Variants in BPIFB1 observed in about 807,000 individuals in gnomAD.
The protein encoded by BPIFB1 is BPI fold containing family B member 1.
Under a neutral mutation model 55.1 loss-of-function variants are expected in BPIFB1, and 34 were observed. That is an observed-to-expected ratio of 0.62 (90% CI 0.47 to 0.82). The LOEUF is 0.82. BPIFB1 is among the 40% of genes least tolerant of loss of function. BPIFB1 has a pLI of 0.00. For missense variants in BPIFB1, 532 were observed against 593.1 expected (o/e 0.90, Z 1.07); for synonymous variants, 236 against 245.3 (o/e 0.96, Z 0.35).
chr20:33,292,435 AATAG>A lies in BPIFB1; in HGVS notation c.597+452_597+455del, dbSNP rs559346892. 9.2e-5 allele frequency among the ~76,000 whole-genome samples: 14 copies of A among 152,352 alleles called. No individual in the cohort carries two copies. In the South Asian group the frequency reaches 2.7e-3, roughly 29 times the overall value. ...GATACATAAACATGATCTCAGGAGT[AATAG>A]ATAGTAGTAAAATACAGCAAACTAA... On this transcript the variant is annotated intron_variant, in intron 6 of 15. Transcript: ENST00000253354.
In BPIFB1 at chr20:33,309,091, T is replaced by C. The variant is rs1052133800; in HGVS notation, c.1396-617T>C. Among the ~76,000 whole-genome samples the C allele has an allele frequency of 5.3e-5, 8 of 152,240 alleles. No individual in the cohort carries two copies. Among genetic ancestry groups the C allele is most frequent in the South Asian group, 2.1e-4 (1 of 4,820 alleles). On this transcript the variant is annotated intron_variant, in intron 15 of 15. Coordinates refer to ENST00000253354, the MANE Select transcript of BPIFB1 (RefSeq NM_033197.3). The surrounding 1 kb of genome is among the most constrained non-coding windows in gnomAD (Gnocchi z 4.4). ...GGCCTGGCACACAGTAGGTGTTCAATAAATGCTTGGTGAGCAAATGACTCT... is the reference window on the plus strand; with the variant it reads ...GGCCTGGCACACAGTAGGTGTTCAACAAATGCTTGGTGAGCAAATGACTCT...
intron 8 of BPIFB1, 98 bp downstream of exon 8, chr20:33,300,082 T>C: frequency 9.4e-7 from 1 of 1,063,228 alleles, no homozygotes; most frequent in Non-Finnish European, 1.4e-6. Flanking sequence ...GGAGAGAAAA[T>C]CCTGGTCACC....
intron 6 of BPIFB1, among the ~76,000 whole-genome samples, chr20:33,295,645 GAAGAAAGA>G (rs1357013377): frequency 2.4e-5 from 3 of 125,386 alleles, no homozygotes; most frequent in African/African-American, 4.3e-5. Context: ...AAAGAGAGAA[GAAGAAAGA>G]AAGAAAGAGA....
intron 13 of BPIFB1, among the ~76,000 whole-genome samples, chr20:33,305,340 T>G (rs1283520743): frequency 7.8e-6 from 1 of 127,750 alleles, no homozygotes; most frequent in East Asian, 2.4e-4. Flanking sequence ...TTTTTTGAGA[T>G]GGAGTCTCGC....
At chr20:33,283,998 G>A (rs4398335) in intron 1 of BPIFB1, among the ~76,000 whole-genome samples, 6,531 of 152,194 alleles carry the variant, frequency 0.043, 160 homozygotes, top group Non-Finnish European at 0.056. Flanking sequence ...CCTGGATGCC[G>A]GGGTTCAGCT....
At chr20:33,304,427 A>G (rs1309073130) in intron 12 of BPIFB1, among the ~76,000 whole-genome samples, 1 of 152,208 alleles carries the variant, frequency 6.6e-6, no homozygotes, top group Non-Finnish European at 1.5e-5. Context: ...AGTCAGGCCC[A>G]GGGCTCTTTT....
chr20:33,299,180 T>C (rs1456479590), intron 7 of BPIFB1: 1 of 456,688 alleles, frequency 2.2e-6, no homozygotes, highest in South Asian at 1.5e-5. Flanking sequence ...GAAGTCCAGC[T>C]GGCTCCTCCG....
chr20:33,286,006 C>T, intron 1 of BPIFB1, 27 bp from the exon 2 acceptor site: 2 of 1,492,062 alleles, frequency 1.3e-6, no homozygotes, highest in East Asian at 4.5e-5. Context: ...GGCCCCTCTG[C>T]CTCAGGTCCC....
chr20:33,292,099 T>G (rs1366876447), intron 6 of BPIFB1, 111 bp downstream of exon 6: 2 of 998,304 alleles, frequency 2.0e-6, no homozygotes, highest in Non-Finnish European at 3.1e-6. Flanking sequence ...TGGGTTTTGC[T>G]GAAAGAATTA....
chr20:33,302,924 T>G lies in BPIFB1; in HGVS notation c.990T>G (p.Asp330Glu). 1 of 1,614,004 alleles carries G rather than the reference T, an allele frequency of 6.2e-7. No individual in the cohort carries two copies. The change falls in exon 11 of 16, where the codon GAT (aspartate) becomes GAG (glutamate). Residue 330 changes from aspartate (D) to glutamate (E), a missense_variant. By Grantham distance (45) the Asp-to-Glu change is conservative. Transcript: ENST00000253354. ...GTCTGATCTCCTTCCAGGCTGCAGA[T>G]AAGCTGGGATCTACCCAGATCGTGA... is the stretch of plus-strand genomic sequence containing the variant. ...SIGLINEKAA[D>E]KLGSTQIVKI...
At position 33,297,927 on chromosome 20, in the gene BPIFB1, C is replaced by T. The variant is rs186596280; in HGVS notation, c.661+339C>T. ...CATCCATAAAATGGGGCTTAACCAT[C>T]CCTACAACATAGGATTGTTAGTGAG... On this transcript the variant is annotated intron_variant, in intron 7 of 15. Transcript: ENST00000253354. 1.9e-3 allele frequency among the ~76,000 whole-genome samples: 287 copies of T among 152,310 alleles called. 1 individual carries two copies. Among genetic ancestry groups the T allele is most frequent in the Non-Finnish European group, 2.1e-3 (145 of 68,034 alleles).
chr20:33,288,973 C>T lies in BPIFB1; in HGVS notation c.257+91C>T, dbSNP rs115596118. ...CATGCTCAGTCAACCAGTCTGCAAG[C>T]ATCGACTTGTGTCAGATCACAAAGA... is the stretch of plus-strand genomic sequence containing the variant. On this transcript the variant is annotated intron_variant, in intron 3 of 15. Coordinates refer to ENST00000253354, the MANE Select transcript of BPIFB1 (RefSeq NM_033197.3). 5,431 of 1,408,526 alleles carry T rather than the reference C, an allele frequency of 3.9e-3. 150 individuals carry two copies. The African/African-American group carries it at 0.068, about 18-fold the overall frequency. 87.3% of individuals were successfully genotyped at this position (1,408,526 alleles called of 1,614,324 possible). A position where few individuals can be genotyped will look rare whatever the true frequency, so the allele number is the denominator to read the frequency against.
chr20:33,304,989 C>T (rs1980976794), intron 13 of BPIFB1, 98 bp downstream of exon 13: 2 of 1,383,182 alleles, frequency 1.4e-6, no homozygotes, highest in East Asian at 2.3e-5. Flanking sequence ...AAACAAGGTC[C>T]CCACAGAAGC....
chr20:33,301,770 A>G lies in BPIFB1; in HGVS notation c.927+358A>G, dbSNP rs115132694. Among the ~76,000 whole-genome samples, 204 of 152,296 alleles carry G rather than the reference A, an allele frequency of 1.3e-3. 1 individual carries two copies. The highest frequency in any genetic ancestry group is 4.8e-3 in the African/African-American group (198 of 41,562). On this transcript the variant is annotated intron_variant, in intron 9 of 15. Transcript: ENST00000253354. ...CTGTGCCACTGCTCACCACTATGACACTCATGGCAGACATCACTAATCGAT... is the reference window on the plus strand; with the variant it reads ...CTGTGCCACTGCTCACCACTATGACGCTCATGGCAGACATCACTAATCGAT...
intron 7 of BPIFB1, chr20:33,298,972 TA>T (rs1177319091): frequency 2.8e-5 from 10 of 359,578 alleles, no homozygotes; most frequent in Non-Finnish European, 5.1e-5. Flanking sequence ...TTGACTTTAA[TA>T]TACTTTTTTT....
At position 33,288,826 on chromosome 20, in the gene BPIFB1, C is replaced by T. The variant is rs1173133490; in HGVS notation, c.201C>T (p.Ala67=). ...PLLSAMREKP[A]GGIPVLGSLV... is the part of the protein sequence containing the mutation. ...TCAGTGCCATGCGGGAAAAGCCAGC[C>T]GGAGGCATCCCTGTGCTGGGCAGCC... Residue 67 remains alanine, a synonymous_variant, in exon 3 of 16, where the codon GCC becomes GCT. Coordinates refer to ENST00000253354, the MANE Select transcript of BPIFB1 (RefSeq NM_033197.3). 4 of 1,613,908 alleles carry T rather than the reference C, an allele frequency of 2.5e-6. No individual in the cohort carries two copies. The highest frequency in any genetic ancestry group is 3.3e-4 in the Middle Eastern group (2 of 6,082).
chr20:33,304,165 C>T (rs1600669599), intron 12 of BPIFB1, 140 bp downstream of exon 12: 1 of 718,542 alleles, frequency 1.4e-6, no homozygotes, highest in Admixed American at 2.4e-5. Context: ...TCCGGATGCT[C>T]CTGCTGACAA....
chr20:33,299,332 C>A, intron 7 of BPIFB1: 1 of 378,018 alleles, frequency 2.6e-6, no homozygotes, highest in Non-Finnish European at 5.4e-6. Flanking sequence ...AATTCTGACG[C>A]GAACACGAGA....
At chr20:33,299,057 C>T (rs1187805427) in intron 7 of BPIFB1, 1 of 421,014 alleles carries the variant, frequency 2.4e-6, no homozygotes, top group South Asian at 1.6e-5. Flanking sequence ...GTCTCTATGT[C>T]CTTCCGATTT....
Sources: allele counts gnomAD v4.1 joint callset (sites outside exome capture counted in the v4.1 genomes callset), GRCh38; gene constraint gnomAD v4.1.1; non-coding constraint Gnocchi (gnomAD v3.1); transcripts MANE v1.5; gene names NCBI Gene and HGNC (gene_info 2026-07-23, HGNC 2026-07-21).